MAPK10: variants seen among roughly 807,000 people sequenced by gnomAD.
The protein encoded by MAPK10 is JNK3 alpha protein kinase.
A neutral mutation model predicts 59.3 loss-of-function variants in MAPK10; 25 were observed. The ratio of observed to expected loss-of-function variants is 0.42; its 90% CI spans 0.31 to 0.59. The LOEUF (loss-of-function observed/expected upper bound fraction) is 0.59. Among genes scored for constraint, MAPK10 ranks in the 20% least tolerant of loss-of-function variants. MAPK10 has a pLI of 0.15. For missense variants in MAPK10, 351 were observed against 568.9 expected (o/e 0.62, Z 3.90); for synonymous variants, 190 against 200.5 (o/e 0.95, Z 0.44).
chr4:86,136,374 C>T (rs901944451), intron 4 of MAPK10, among the ~76,000 whole-genome samples: 5 of 151,950 alleles, frequency 3.3e-5, no homozygotes, highest in African/African-American at 4.8e-5. Context: ...GAGTGGGGGC[C>T]AATATTCAAC....
At chr4:86,546,138 T>G (rs1759134341) in intron 1 of MAPK10, among the ~76,000 whole-genome samples, 1 of 151,978 alleles carries the variant, frequency 6.6e-6, no homozygotes, top group South Asian at 2.1e-4. Context: ...CAGAAGAATC[T>G]ATTGAACCTG....
intron 2 of MAPK10, among the ~76,000 whole-genome samples, chr4:86,229,388 A>T (rs2091192548): frequency 1.3e-5 from 2 of 152,342 alleles, no homozygotes; most frequent in East Asian, 3.9e-4. Flanking sequence ...GGTCATTAAG[A>T]TGAATCTATA....
chr4:86,118,877 T>A (rs2058737534), intron 4 of MAPK10, among the ~76,000 whole-genome samples: 1 of 152,204 alleles, frequency 6.6e-6, no homozygotes, highest in African/African-American at 2.4e-5. Flanking sequence ...ATAAGAATCA[T>A]GTTTTTGAAC....
At chr4:86,439,671 G>A (rs1248205017) in intron 1 of MAPK10, among the ~76,000 whole-genome samples, 4 of 152,144 alleles carry the variant, frequency 2.6e-5, no homozygotes, top group Admixed American at 6.5e-5. Flanking sequence ...ACTGTCAGAC[G>A]GTTTTTGAAA....
intron 2 of MAPK10, among the ~76,000 whole-genome samples, chr4:86,226,522 C>T (rs2090651782): frequency 6.6e-6 from 1 of 152,172 alleles, no homozygotes; most frequent in Non-Finnish European, 1.5e-5. Flanking sequence ...TCCTTTGTTG[C>T]ACATAAGTTA....
intron 11 of MAPK10, among the ~76,000 whole-genome samples, chr4:86,047,285 T>G (rs958832365): frequency 6.6e-6 from 1 of 152,044 alleles, no homozygotes; most frequent in African/African-American, 2.4e-5. Context: ...AAGGCTTCTT[T>G]GAGAAGGTAA....
intron 2 of MAPK10, among the ~76,000 whole-genome samples, chr4:86,223,561 AGCACT>A (rs749259598): frequency 6.6e-6 from 1 of 152,178 alleles, no homozygotes; most frequent in Non-Finnish European, 1.5e-5. Context: ...TGGAAAGCTC[AGCACT>A]TCCACTGAGG....
Position 86,266,051 on chromosome 4 carries a change from A to G in MAPK10, c.-6-71644T>C, listed in dbSNP as rs138504612. Among the ~76,000 whole-genome samples, 28 of 152,330 alleles carry G rather than the reference A, an allele frequency of 1.8e-4. No homozygotes were observed. The East Asian group carries it at 5.4e-3, about 29-fold the overall frequency. On this transcript the variant is annotated intron_variant, in intron 2 of 13. Coordinates refer to ENST00000641462, the MANE Select transcript of MAPK10 (RefSeq NM_138982.4). The stretch of plus-strand genomic sequence containing the variant: ...GGGAAAGGTGGAATCAAAAAGGAAG[A>G]ACTGGCAGAAATGTGGTAAACTTGT...
At chr4:86,588,227 G>C (rs1038908968) in intron 1 of MAPK10, among the ~76,000 whole-genome samples, 5 of 152,054 alleles carry the variant, frequency 3.3e-5, no homozygotes, top group Non-Finnish European at 5.9e-5. Context: ...TCATGAGTAC[G>C]GTCCCAAAGT....
At chr4:86,348,767 T>C (rs2148956178) in intron 2 of MAPK10, among the ~76,000 whole-genome samples, 1 of 152,318 alleles carries the variant, frequency 6.6e-6, no homozygotes, top group East Asian at 1.9e-4. Flanking sequence ...TCCTCTAGCC[T>C]CTTTCATATG....
chr4:86,538,366 G>A (rs1758413384), intron 1 of MAPK10, among the ~76,000 whole-genome samples: 1 of 152,074 alleles, frequency 6.6e-6, no homozygotes, highest in Non-Finnish European at 1.5e-5. Flanking sequence ...GGCTGGTCTT[G>A]AGCTCCTGAC....
At chr4:86,240,392 C>T (rs2092634274) in intron 2 of MAPK10, among the ~76,000 whole-genome samples, 1 of 152,216 alleles carries the variant, frequency 6.6e-6, no homozygotes, top group South Asian at 2.1e-4. Context: ...AGTTCACGTC[C>T]CAAATATCCT....
chr4:86,337,853 T>C (rs4611890), intron 2 of MAPK10, among the ~76,000 whole-genome samples: 69,835 of 152,066 alleles, frequency 0.46, 16,360 homozygotes, highest in Non-Finnish European at 0.51. Flanking sequence ...ATCAGACTGG[T>C]CATTTTTTCC....
At chr4:86,220,849 C>T (rs1185423736) in intron 2 of MAPK10, among the ~76,000 whole-genome samples, 1 of 152,188 alleles carries the variant, frequency 6.6e-6, no homozygotes, top group Non-Finnish European at 1.5e-5. Flanking sequence ...AAACTCTAGG[C>T]TCTCTATAAC....
At chr4:86,296,543 T>G (rs957039157) in intron 2 of MAPK10, among the ~76,000 whole-genome samples, 2 of 152,206 alleles carry the variant, frequency 1.3e-5, no homozygotes, top group Admixed American at 6.5e-5. Context: ...GGTGAAATGT[T>G]TTTAAAAATA....
chr4:86,245,738 A>T (rs2093043419), intron 2 of MAPK10, among the ~76,000 whole-genome samples: 1 of 152,168 alleles, frequency 6.6e-6, no homozygotes, highest in South Asian at 2.1e-4. Context: ...GTAAAAAAAT[A>T]TTTGATTGAA....
At chr4:86,311,731 C>T (rs895551780) in intron 2 of MAPK10, among the ~76,000 whole-genome samples, 14 of 152,046 alleles carry the variant, frequency 9.2e-5, no homozygotes, top group Admixed American at 8.5e-4. Flanking sequence ...GAGAATCACA[C>T]TGGTCCCAGG....
At chr4:86,506,470 C>T (rs1040173979) in intron 1 of MAPK10, among the ~76,000 whole-genome samples, 1 of 152,122 alleles carries the variant, frequency 6.6e-6, no homozygotes, top group African/African-American at 2.4e-5. Context: ...TGATTACACA[C>T]TGCATAAAAA....
chr4:86,051,145 T>C (rs1264363464), intron 11 of MAPK10, among the ~76,000 whole-genome samples: 3 of 152,154 alleles, frequency 2.0e-5, no homozygotes, highest in Admixed American at 6.5e-5. Context: ...CTGAGTCTCA[T>C]ATGAAACCTG....
Sources: gnomAD v4.1 joint callset for allele counts (sites outside exome capture counted in the v4.1 genomes callset) on GRCh38, gnomAD v4.1.1 for gene constraint, MANE v1.5 for transcripts, NCBI Gene and HGNC (gene_info 2026-07-23, HGNC 2026-07-21) for gene names.